DDIAS: variants seen among roughly 807,000 people sequenced by gnomAD.
DDIAS encodes DNA damage induced apoptosis suppressor.
In DDIAS, 14 loss-of-function variants were observed where a neutral mutation model predicts 15.7. The ratio of observed to expected loss-of-function variants is 0.89; its 90% CI spans 0.59 to 1.39. The LOEUF is 1.39. Ranked by LOEUF, DDIAS falls within the 40% of genes most tolerant of loss-of-function variation. The probability of loss-of-function intolerance (pLI) is 0.00; values close to 1 mark genes in which losing one functional copy is unlikely to be tolerated. For synonymous variants in DDIAS, 355 were observed against 395.9 expected (o/e 0.90, Z 1.23); for missense variants, 1,035 against 1,130.9 (o/e 0.92, Z 1.22).
At chr11:82,931,662 T>C in intron 5 of DDIAS, 70 bp from the exon 6 acceptor site, 5 of 1,421,334 alleles carry the variant, frequency 3.5e-6, no homozygotes, top group Non-Finnish European at 3.8e-6. Flanking sequence ...CCTGGCTAAA[T>C]TTCTGTTTCA....
In DDIAS at chr11:82,932,149, C is replaced by T. The variant is rs1211258492; in HGVS notation, c.811C>T (p.Gln271Ter). The change falls in exon 6 of 6, where the codon CAG becomes TAG. Residue 271 changes from glutamine to a stop codon, truncating the protein, a stop_gained. Transcript: ENST00000533655. LOFTEE classifies it low-confidence loss of function (END_TRUNC). ...SEQSKAFGTL[Q>*]QNRKSISIAE... Reference sequence around the variant, plus strand: ...ACAAAGTAAGGCCTTTGGTACTCTTCAGCAGAACAGAAAGTCCATCTCCAT... The same window carrying T: ...ACAAAGTAAGGCCTTTGGTACTCTTTAGCAGAACAGAAAGTCCATCTCCAT... 3 of 1,614,198 alleles carry T rather than the reference C, an allele frequency of 1.9e-6. No individual in the cohort carries two copies.
At chr11:82,919,699 A>G (rs190414751) in intron 3 of DDIAS, among the ~76,000 whole-genome samples, 7 of 152,274 alleles carry the variant, frequency 4.6e-5, no homozygotes, top group Admixed American at 3.3e-4. Flanking sequence ...GTCTGGTAGA[A>G]TTCTGCTGTG....
chr11:82,917,957 C>T (rs1375162574), intron 3 of DDIAS, among the ~76,000 whole-genome samples: 4 of 152,068 alleles, frequency 2.6e-5, no homozygotes, highest in Non-Finnish European at 5.9e-5. Context: ...TATTTATGTC[C>T]TTAGCCTACT....
rs370203828 is a variant in DDIAS, at chr11:82,928,826, T to G, written c.163T>G (p.Tyr55Asp). 1.9e-6 allele frequency: 3 copies of G among 1,613,504 alleles called. No homozygotes were observed. In the African/African-American group the frequency reaches 4.0e-5, roughly 22 times the overall value. The change falls in exon 4 of 6, where the codon TAC (tyrosine) becomes GAC (aspartate). Residue 55 changes from tyrosine (Y) to aspartate (D), a missense_variant. Transcript: ENST00000533655. ...GSTGESGNAN[Y>D]RYKLSLKVAE... ...TACTGGTGAATCTGGAAATGCCAAT[T>G]ACAGATACAAACTTTCCTTAAAAGT... is the stretch of plus-strand genomic sequence containing the variant.
chr11:82,902,174 A>G (rs1416189564), intron 1 of DDIAS, among the ~76,000 whole-genome samples: 1 of 152,224 alleles, frequency 6.6e-6, no homozygotes, highest in Non-Finnish European at 1.5e-5. Flanking sequence ...GTACGTGCTG[A>G]AAGGGGATCT....
chr11:82,917,856 G>A lies in DDIAS; in HGVS notation c.113+3005G>A, dbSNP rs535947857. Among the ~76,000 whole-genome samples the A allele has an allele frequency of 1.8e-4, 27 of 152,282 alleles. No homozygotes were observed. The East Asian group carries it at 5.0e-3, about 28-fold the overall frequency. ...TGGCCATTCTTGCAGGAAGAAGGTA[G>A]TATCGCATTGTGATTTTGATTTGTA... is the stretch of plus-strand genomic sequence containing the variant. On this transcript the variant is annotated intron_variant, in intron 3 of 5. Transcript: ENST00000533655.
At chr11:82,912,158 A>G (rs1325022251) in intron 1 of DDIAS, among the ~76,000 whole-genome samples, 2 of 152,142 alleles carry the variant, frequency 1.3e-5, no homozygotes, top group African/African-American at 4.8e-5. Flanking sequence ...GTATCAAGAC[A>G]CCAGCTGCAT....
chr11:82,902,908 C>T (rs1860349986), intron 1 of DDIAS, among the ~76,000 whole-genome samples: 1 of 152,138 alleles, frequency 6.6e-6, no homozygotes, highest in Non-Finnish European at 1.5e-5. Flanking sequence ...TGGAACTTAC[C>T]TTTTATGGAT....
In DDIAS at chr11:82,930,216, T is replaced by C. The variant is rs1444738080; in HGVS notation, c.335T>C (p.Leu112Pro). ...CTGGACAATGATACAACTCAGAATC[T>C]ATTAACTAAAGCAGTTGAAACTTGC... ...ETLDNDTTQN[L>P]LTKAVETCFV... Residue 112 changes from leucine to proline, a missense_variant, in exon 5 of 6, where the codon CTA becomes CCA. Transcript: ENST00000533655. 2 of 1,605,562 alleles carry C rather than the reference T, an allele frequency of 1.2e-6. No individual in the cohort carries two copies. Among genetic ancestry groups the C allele is most frequent in the Non-Finnish European group, 1.7e-6 (2 of 1,174,954 alleles).
Position 82,932,860 on chromosome 11 carries a change from G to A in DDIAS, c.1522G>A (p.Glu508Lys). 1 of 1,613,388 alleles carries A rather than the reference G, an allele frequency of 6.2e-7. No individual in the cohort carries two copies. The highest frequency in any genetic ancestry group is 8.5e-7 in the Non-Finnish European group (1 of 1,179,926). Residue 508 changes from glutamate (E) to lysine (K), a missense_variant, in exon 6 of 6, where the codon GAA (glutamate) becomes AAA (lysine). Physicochemically the swap from Glu to Lys is moderately conservative, Grantham distance 56. Transcript: ENST00000533655. Reference sequence around the variant, plus strand: ...TAAAGGAAATCTAAGTCCTAGTGTTGAAAAGGAGTCACAACCAGATAACAA... The same window carrying A: ...TAAAGGAAATCTAAGTCCTAGTGTTAAAAAGGAGTCACAACCAGATAACAA... ...NCKGNLSPSV[E>K]KESQPDNKVE...
intron 5 of DDIAS, 143 bp downstream of exon 5, chr11:82,930,417 GGT>G (rs1252961051): frequency 1.7e-6 from 1 of 587,504 alleles, no homozygotes; most frequent in Non-Finnish European, 2.8e-6. Context: ...ATAGCCTATA[GGT>G]GGTCTGTTAA....
chr11:82,917,420 A>T (rs1391922042), intron 3 of DDIAS, among the ~76,000 whole-genome samples: 1 of 151,756 alleles, frequency 6.6e-6, no homozygotes, highest in Non-Finnish European at 1.5e-5. Flanking sequence ...TTCCTGAGTT[A>T]CTTCACTTAG....
At position 82,904,470 on chromosome 11, in the gene DDIAS, C is replaced by T. The variant is rs1430170967; in HGVS notation, c.-117+2648C>T. ...AATAATGGATTAGAGTAAAGAATTGCAAAATCATCCAAATGAGACTAAGAT... is the reference window on the plus strand; with the variant it reads ...AATAATGGATTAGAGTAAAGAATTGTAAAATCATCCAAATGAGACTAAGAT... On this transcript the variant is annotated intron_variant, in intron 1 of 5. Coordinates refer to ENST00000533655, the MANE Select transcript of DDIAS (RefSeq NM_145018.4). Among the ~76,000 whole-genome samples, 4 of 152,140 alleles carry T rather than the reference C, an allele frequency of 2.6e-5. No homozygotes were observed. The East Asian group carries it at 7.7e-4, about 29-fold the overall frequency.
At position 82,904,647 on chromosome 11, in the gene DDIAS, C is replaced by T. The variant is rs770649798; in HGVS notation, c.-117+2825C>T. ...AAATGCAGATTCTCAGGCCCTTATC[C>T]CAGACTTACTGAATCAAACTCTGGA... On this transcript the variant is annotated intron_variant, in intron 1 of 5. Transcript: ENST00000533655. Among the ~76,000 whole-genome samples, 137 of 152,144 alleles carry T rather than the reference C, an allele frequency of 9.0e-4. 1 individual carries two copies. Among genetic ancestry groups the T allele is most frequent in the Admixed American group, 3.3e-4 (5 of 15,280 alleles).
chr11:82,926,088 ATT>A (rs71063242), intron 3 of DDIAS, among the ~76,000 whole-genome samples: 15 of 133,926 alleles, frequency 1.1e-4, no homozygotes, highest in Admixed American at 1.6e-4. Flanking sequence ...TTGGCAAGTA[ATT>A]TTTTTTTTTT....
At chr11:82,905,669 G>A (rs1428417863) in intron 1 of DDIAS, among the ~76,000 whole-genome samples, 1 of 151,960 alleles carries the variant, frequency 6.6e-6, no homozygotes, top group African/African-American at 2.4e-5. Context: ...AATTTTTTGT[G>A]TGATTATTTT....
chr11:82,912,103 T>TA (rs1421394767), intron 1 of DDIAS, among the ~76,000 whole-genome samples: 16 of 152,174 alleles, frequency 1.1e-4, no homozygotes, highest in African/African-American at 3.9e-4. Flanking sequence ...GCATAATCCT[T>TA]AAGGGCCACA....
chr11:82,932,416 G>C lies in DDIAS; in HGVS notation c.1078G>C (p.Val360Leu), dbSNP rs1385116932. The C allele has an allele frequency of 6.2e-7, 1 of 1,614,040 alleles. No individual in the cohort carries two copies. The highest frequency in any genetic ancestry group is 8.5e-7 in the Non-Finnish European group (1 of 1,180,030). The change falls in exon 6 of 6, where the codon GTG (valine) becomes CTG (leucine). Residue 360 changes from valine (V) to leucine (L), a missense_variant. Coordinates refer to ENST00000533655, the MANE Select transcript of DDIAS (RefSeq NM_145018.4). Reference protein sequence around the residue: ...SSNTKSFHSAVEIKNRSQHEL... With the variant: ...SSNTKSFHSALEIKNRSQHEL... ...TAATACAAAATCCTTCCACAGTGCAGTGGAAATTAAAAATAGGTCCCAGCA... is the reference window on the plus strand; with the variant it reads ...TAATACAAAATCCTTCCACAGTGCACTGGAAATTAAAAATAGGTCCCAGCA...
chr11:82,914,546 A>C (rs967559731), intron 2 of DDIAS, 177 bp from the exon 3 acceptor site: 1 of 484,168 alleles, frequency 2.1e-6, no homozygotes, highest in Non-Finnish European at 3.6e-6. Context: ...CTTCCTATTA[A>C]TATTTTAAGG....
Sources: allele counts gnomAD v4.1 joint callset (sites outside exome capture counted in the v4.1 genomes callset), GRCh38; gene constraint gnomAD v4.1.1; transcripts MANE v1.5; gene names NCBI Gene and HGNC (gene_info 2026-07-23, HGNC 2026-07-21).